The following RALGPS1 variants were observed in gnomAD, a reference collection of about 807,000 sequenced individuals.
The protein encoded by RALGPS1 is Ral GEF with PH domain and SH3 binding motif 1, also known as ras-specific guanine nucleotide-releasing factor RalGPS1.
Under a neutral mutation model 78.8 loss-of-function variants are expected in RALGPS1, and 19 were observed. The observed-to-expected ratio is 0.24, with a 90% CI of 0.17 to 0.35. The LOEUF (loss-of-function observed/expected upper bound fraction) is 0.35. RALGPS1 is among the 10% of genes least tolerant of loss of function. RALGPS1 has a pLI of 1.00. For missense variants in RALGPS1, 454 were observed against 688.3 expected (o/e 0.66, Z 3.81); for synonymous variants, 228 against 256.3 (o/e 0.89, Z 1.06).
chr9:127,166,127 C>T lies in RALGPS1; in HGVS notation c.669C>T (p.Ile223=). The T allele has an allele frequency of 6.2e-7, 1 of 1,613,424 alleles. No individual in the cohort carries two copies. Among genetic ancestry groups the T allele is most frequent in the Non-Finnish European group, 8.5e-7 (1 of 1,179,902 alleles). ...CTGCATATCCTGCCTCAGGCAGTAT[C>T]ATGGAAAATGAACAAAGATCCAATC... The part of the protein sequence containing the change: ...IDSAYPASGS[I]MENEQRSNQM... Residue 223 remains isoleucine (I), a synonymous_variant, in exon 9 of 19, where the codon ATC becomes ATT. Coordinates refer to ENST00000259351, the MANE Select transcript of RALGPS1 (RefSeq NM_014636.3).
intron 3 of RALGPS1, among the ~76,000 whole-genome samples, chr9:126,976,301 C>T (rs1451623975): frequency 7.8e-6 from 1 of 128,878 alleles, no homozygotes; most frequent in Non-Finnish European, 1.8e-5. Context: ...CCCTTACACT[C>T]AACACTCATT....
At chr9:127,089,080 G>A (rs1361246653) in intron 8 of RALGPS1, 1 of 1,614,254 alleles carries the variant, frequency 6.2e-7, no homozygotes, top group Admixed American at 1.7e-5. Context: ...CCCCGTTGAG[G>A]TTGGAGTGGG....
At chr9:127,167,612 G>A (rs531337718) in intron 9 of RALGPS1, among the ~76,000 whole-genome samples, 6 of 152,260 alleles carry the variant, frequency 3.9e-5, no homozygotes, top group East Asian at 1.9e-4. Context: ...CTTCACCTGC[G>A]TCATCTCCAT....
chr9:127,006,241 C>T (rs1455562375), intron 4 of RALGPS1, among the ~76,000 whole-genome samples: 11 of 152,118 alleles, frequency 7.2e-5, no homozygotes, highest in South Asian at 2.1e-4. Context: ...TATGGATTCA[C>T]GGTCCTTCTT....
intron 8 of RALGPS1, chr9:127,089,108 C>T: frequency 6.2e-7 from 1 of 1,614,232 alleles, no homozygotes; most frequent in Non-Finnish European, 8.5e-7. Flanking sequence ...GTTATACCAC[C>T]AGCCTCCCTT....
At chr9:127,026,867 A>G (rs578067716) in intron 4 of RALGPS1, among the ~76,000 whole-genome samples, 1 of 152,306 alleles carries the variant, frequency 6.6e-6, no homozygotes, top group African/African-American at 2.4e-5. Flanking sequence ...CAGCAAAACG[A>G]GGCGACCTTT....
At chr9:127,012,918 G>A (rs1423040516) in intron 4 of RALGPS1, among the ~76,000 whole-genome samples, 1 of 152,084 alleles carries the variant, frequency 6.6e-6, no homozygotes, top group African/African-American at 2.4e-5. Flanking sequence ...AGATGAATGA[G>A]GAATCCCTGG....
intron 8 of RALGPS1, among the ~76,000 whole-genome samples, chr9:127,120,017 G>A (rs1312402429): frequency 6.6e-6 from 1 of 152,168 alleles, no homozygotes; most frequent in African/African-American, 2.4e-5. Flanking sequence ...AACCTCAGGG[G>A]GCCACAGCAC....
chr9:127,219,950 A>G lies in RALGPS1; in HGVS notation c.*1181A>G, dbSNP rs1488039702. ...CACAATTGTTGATGACCGTGTGACA[A>G]TAGAGCGAAGCCCCGGGGAGTGAAC... On this transcript the variant is annotated 3_prime_UTR_variant, in exon 19 of 19. Coordinates refer to ENST00000259351, the MANE Select transcript of RALGPS1 (RefSeq NM_014636.3). The surrounding 1 kb of genome is among the most constrained non-coding windows in gnomAD (Gnocchi z 5.0). 6.5e-6 allele frequency: 1 copy of G among 152,704 alleles called. No homozygotes were observed. The highest frequency in any genetic ancestry group is 2.4e-5 in the African/African-American group (1 of 41,472). 9.5% of individuals were successfully genotyped at this position (152,704 alleles called of 1,614,324 possible). A position where few individuals can be genotyped will look rare whatever the true frequency, so the allele number is the denominator to read the frequency against.
chr9:127,178,136 G>A, intron 11 of RALGPS1: 1 of 829,548 alleles, frequency 1.2e-6, no homozygotes, highest in Non-Finnish European at 1.8e-6. Flanking sequence ...ATGATTGGCT[G>A]TGCAGGGTCT....
chr9:126,972,166 G>A (rs1320781686), intron 3 of RALGPS1, among the ~76,000 whole-genome samples: 2 of 152,132 alleles, frequency 1.3e-5, no homozygotes, highest in Non-Finnish European at 2.9e-5. Context: ...TGTGGCAAAC[G>A]GACTCAAGAG....
chr9:127,050,439 C>T (rs2048204847), intron 6 of RALGPS1, among the ~76,000 whole-genome samples: 1 of 152,232 alleles, frequency 6.6e-6, no homozygotes, highest in Non-Finnish European at 1.5e-5. Flanking sequence ...CCAGAGGCTG[C>T]CCCTGGAATC....
At chr9:127,110,643 C>T (rs1235847801) in intron 8 of RALGPS1, among the ~76,000 whole-genome samples, 5 of 152,178 alleles carry the variant, frequency 3.3e-5, no homozygotes, top group African/African-American at 1.2e-4. Context: ...CGTTTTTCCC[C>T]GTATCTCCAA....
rs902351681 is a variant in RALGPS1 at position 127,218,899 on chromosome 9, C to T, written c.*130C>T. On this transcript the variant is annotated 3_prime_UTR_variant, in exon 19 of 19. Transcript: ENST00000259351. The surrounding 1 kb of genome is among the most constrained non-coding windows in gnomAD (Gnocchi z 4.4). ...AACTCACAGCTGGACTCAGGGGACA[C>T]GGCCTGTGGCCTCACCATCCCAGAG... 57 of 1,062,314 alleles carry T rather than the reference C, an allele frequency of 5.4e-5. No individual in the cohort carries two copies. The highest frequency in any genetic ancestry group is 4.2e-4 in the Admixed American group (24 of 57,568). 65.8% of individuals were successfully genotyped at this position (1,062,314 alleles called of 1,614,324 possible).
chr9:127,040,477 G>A (rs916580982), intron 5 of RALGPS1, among the ~76,000 whole-genome samples: 2 of 152,166 alleles, frequency 1.3e-5, no homozygotes, highest in Non-Finnish European at 2.9e-5. Flanking sequence ...CCAAGGAAAA[G>A]GGCTGCCAGG....
At chr9:127,184,059 C>T (rs1477143312) in intron 11 of RALGPS1, 1 of 1,544,714 alleles carries the variant, frequency 6.5e-7, no homozygotes, top group Non-Finnish European at 8.7e-7. Flanking sequence ...GGTGCAGTGG[C>T]TCTCACCTGT....
intron 2 of RALGPS1, among the ~76,000 whole-genome samples, chr9:126,963,419 C>T (rs1473594734): frequency 2.6e-5 from 4 of 152,068 alleles, no homozygotes; most frequent in Non-Finnish European, 5.9e-5. Flanking sequence ...TACACATTCA[C>T]ACATATATGC....
At chr9:127,009,264 CT>C (rs1271167945) in intron 4 of RALGPS1, among the ~76,000 whole-genome samples, 1 of 152,200 alleles carries the variant, frequency 6.6e-6, no homozygotes, top group East Asian at 1.9e-4. Context: ...TCATCCCAGC[CT>C]CTTCCAGCTT....
At chr9:126,927,357 G>A (rs78702307) in intron 1 of RALGPS1, among the ~76,000 whole-genome samples, 8,017 of 152,204 alleles carry the variant, frequency 0.053, 246 homozygotes, top group South Asian at 0.079. Context: ...AGGAGGAATG[G>A]GCAGCTAGGA....
Sources: gnomAD v4.1 joint callset for allele counts (sites outside exome capture counted in the v4.1 genomes callset) on GRCh38, gnomAD v4.1.1 for gene constraint, Gnocchi (gnomAD v3.1) non-coding constraint, MANE v1.5 for transcripts, NCBI Gene and HGNC (gene_info 2026-07-23, HGNC 2026-07-21) for gene names.